Variants in ADGRB3 observed in about 807,000 individuals in gnomAD.
ADGRB3 encodes adhesion G protein-coupled receptor B3, also known as brain-specific angiogenesis inhibitor 3.
ADGRB3 carries 37 observed loss-of-function variants against 193.4 expected under a neutral mutation model. That is an observed-to-expected ratio of 0.19 (90% CI 0.15 to 0.25). ADGRB3 has a LOEUF of 0.25. ADGRB3 is among the 10% of genes least tolerant of loss of function. The pLI, the probability that ADGRB3 is intolerant of heterozygous loss-of-function variation, is 1.00. For missense variants in ADGRB3, 1,637 were observed against 1,852.9 expected, an observed-to-expected ratio of 0.88 and a Z score of 2.14; for synonymous variants, 690 against 644.2, an observed-to-expected ratio of 1.07 and a Z score of -1.08.
chr6:69,182,900 A>G (rs1764960774), intron 17 of ADGRB3, among the ~76,000 whole-genome samples: 1 of 152,112 alleles, frequency 6.6e-6, no homozygotes, highest in Non-Finnish European at 1.5e-5. Flanking sequence ...AGCCTTTATG[A>G]GCAGACTCCA....
chr6:68,747,613 A>G (rs992970361), intron 3 of ADGRB3, among the ~76,000 whole-genome samples: 1 of 152,194 alleles, frequency 6.6e-6, no homozygotes, highest in Non-Finnish European at 1.5e-5. Flanking sequence ...CATTTCAGCC[A>G]ATTGCATTTG....
At chr6:68,735,804 T>C (rs944363979) in intron 3 of ADGRB3, among the ~76,000 whole-genome samples, 1 of 152,128 alleles carries the variant, frequency 6.6e-6, no homozygotes, top group African/African-American at 2.4e-5. Context: ...ATTCCTAATA[T>C]CTAAGTTTCT....
intron 3 of ADGRB3, among the ~76,000 whole-genome samples, chr6:68,893,037 C>T (rs932885355): frequency 6.6e-6 from 1 of 151,930 alleles, no homozygotes; most frequent in Non-Finnish European, 1.5e-5. Context: ...CCTCTATGAC[C>T]CTTGAAAACA....
At chr6:69,155,181 G>A (rs559791658) in intron 17 of ADGRB3, among the ~76,000 whole-genome samples, 1 of 152,288 alleles carries the variant, frequency 6.6e-6, no homozygotes, top group African/African-American at 2.4e-5. Context: ...GGAGAGAGAT[G>A]TCCAATATAT....
intron 3 of ADGRB3, among the ~76,000 whole-genome samples, chr6:68,705,111 T>A (rs905646897): frequency 3.8e-4 from 58 of 152,246 alleles, no homozygotes; most frequent in Admixed American, 1.3e-4. Context: ...CAGCTACTAT[T>A]TATTATTAGG....
At chr6:68,959,716 C>CA (rs759547777) in intron 8 of ADGRB3, among the ~76,000 whole-genome samples, 3 of 151,908 alleles carry the variant, frequency 2.0e-5, no homozygotes, top group Non-Finnish European at 2.9e-5. Context: ...TCATTGATGA[C>CA]AAAAAATGTA....
At chr6:68,859,771 G>C (rs1765098252) in intron 3 of ADGRB3, among the ~76,000 whole-genome samples, 1 of 152,156 alleles carries the variant, frequency 6.6e-6, no homozygotes, top group Non-Finnish European at 1.5e-5. Context: ...TTCAAGATGA[G>C]ATTTGGATGG....
At chr6:68,642,181 C>A (rs1768098795) in intron 3 of ADGRB3, among the ~76,000 whole-genome samples, 1 of 152,128 alleles carries the variant, frequency 6.6e-6, no homozygotes, top group Non-Finnish European at 1.5e-5. Context: ...AGAAGGCCTG[C>A]CTTGAGTAGA....
intron 15 of ADGRB3, among the ~76,000 whole-genome samples, chr6:69,061,630 A>T (rs187107399): frequency 3.3e-5 from 5 of 152,190 alleles, no homozygotes; most frequent in Admixed American, 3.3e-4. Context: ...AAGGCTAAAA[A>T]TCAGAAATAA....
intron 17 of ADGRB3, among the ~76,000 whole-genome samples, chr6:69,089,341 G>A (rs1354056119): frequency 6.6e-6 from 1 of 152,146 alleles, no homozygotes; most frequent in Non-Finnish European, 1.5e-5. Context: ...TATAAAGAAA[G>A]AGTACTATTT....
chr6:68,678,129 C>T (rs1380897206), intron 3 of ADGRB3, among the ~76,000 whole-genome samples: 1 of 152,106 alleles, frequency 6.6e-6, no homozygotes, highest in East Asian at 1.9e-4. Context: ...ATTTAAAATA[C>T]ACTTTCAGGG....
At chr6:68,862,121 A>C (rs1765172288) in intron 3 of ADGRB3, among the ~76,000 whole-genome samples, 1 of 58,900 alleles carries the variant, frequency 1.7e-5, no homozygotes, top group Non-Finnish European at 3.3e-5. Context: ...ATGTTTAAAG[A>C]GGAGGAGGGA....
chr6:69,162,708 A>G (rs535878395), intron 17 of ADGRB3, among the ~76,000 whole-genome samples: 1 of 152,292 alleles, frequency 6.6e-6, no homozygotes, highest in South Asian at 2.1e-4. Flanking sequence ...AAATGATTTT[A>G]AGTTAAATGT....
intron 11 of ADGRB3, among the ~76,000 whole-genome samples, chr6:69,004,963 T>C (rs952547202): frequency 6.6e-6 from 1 of 152,126 alleles, no homozygotes; most frequent in Admixed American, 6.5e-5. Flanking sequence ...TTGTGATGTG[T>C]GCAGGCTTCT....
intron 3 of ADGRB3, among the ~76,000 whole-genome samples, chr6:68,669,178 A>G (rs1483924268): frequency 6.6e-6 from 1 of 151,936 alleles, no homozygotes; most frequent in Non-Finnish European, 1.5e-5. Context: ...CGTCATGGAG[A>G]ATGAGGCATC....
intron 3 of ADGRB3, among the ~76,000 whole-genome samples, chr6:68,675,831 C>A (rs965620493): frequency 6.6e-6 from 1 of 152,186 alleles, no homozygotes; most frequent in African/African-American, 2.4e-5. Context: ...CAGACAGGGT[C>A]TTCAGTCATT....
rs547836832 is a variant in ADGRB3 at position 69,075,086 on chromosome 6, G to A, written c.2437-909G>A. The stretch of plus-strand genomic sequence containing the variant: ...CAAATATCTAATACAATCTTAGTTT[G>A]CATTATTAGGAAGAGAGCACCTGAT... On this transcript the variant is annotated intron_variant, in intron 16 of 31. Coordinates refer to ENST00000370598, the MANE Select transcript of ADGRB3 (RefSeq NM_001704.3). 1.6e-4 allele frequency among the ~76,000 whole-genome samples: 25 copies of A among 152,274 alleles called. 1 individual carries two copies. In the South Asian group the frequency reaches 5.0e-3, roughly 30 times the overall value.
chr6:68,940,796 G>A (rs1767621445), intron 5 of ADGRB3, among the ~76,000 whole-genome samples: 1 of 151,920 alleles, frequency 6.6e-6, no homozygotes, highest in Admixed American at 6.6e-5. Context: ...GGAGGCTGAG[G>A]CACGAGAATC....
intron 17 of ADGRB3, among the ~76,000 whole-genome samples, chr6:69,126,331 A>G (rs1170679706): frequency 6.6e-6 from 1 of 151,706 alleles, no homozygotes; most frequent in Non-Finnish European, 1.5e-5. Flanking sequence ...CTCACACAAT[A>G]GTGGAGAGGT....
Sources: allele counts gnomAD v4.1 joint callset (sites outside exome capture counted in the v4.1 genomes callset), GRCh38; gene constraint gnomAD v4.1.1; transcripts MANE v1.5; gene names NCBI Gene and HGNC (gene_info 2026-07-23, HGNC 2026-07-21).